GPR176: variants seen among roughly 807,000 people sequenced by gnomAD.
GPR176 encodes G-protein coupled receptor 176.
A neutral mutation model predicts 35.4 loss-of-function variants in GPR176; 26 were observed. The observed-to-expected ratio is 0.74, with a 90% confidence interval of 0.54 to 1.02. The LOEUF is 1.02. GPR176 is among the 50% of genes least tolerant of loss of function. The pLI is 0.00. For missense variants in GPR176, 597 were observed against 665.3 expected (o/e 0.90, Z 1.13); for synonymous variants, 278 against 271.3 (o/e 1.02, Z -0.24).
chr15:39,875,689 C>T (rs924486223), intron 1 of GPR176, among the ~76,000 whole-genome samples: 3 of 152,074 alleles, frequency 2.0e-5, no homozygotes, highest in Non-Finnish European at 2.9e-5. Context: ...GGTTTTAGTG[C>T]CGAGCCTCCT....
At chr15:39,893,107 AATTT>A (rs2032935867) in intron 1 of GPR176, among the ~76,000 whole-genome samples, 3 of 144,236 alleles carry the variant, frequency 2.1e-5, no homozygotes, top group Non-Finnish European at 4.7e-5. Flanking sequence ...TTTTTTTTTA[AATTT>A]ATTTATTTTT....
chr15:39,866,428 T>A (rs1179136842), intron 1 of GPR176, among the ~76,000 whole-genome samples: 2 of 152,094 alleles, frequency 1.3e-5, no homozygotes, highest in Admixed American at 6.5e-5. Flanking sequence ...ATTAGTAACA[T>A]AACTACACAA....
chr15:39,829,207 C>G, intron 1 of GPR176: 1 of 1,518,306 alleles, frequency 6.6e-7, no homozygotes, highest in Non-Finnish European at 8.8e-7. Context: ...CACAACGCAA[C>G]CCCCAACACT....
chr15:39,835,396 A>G (rs1466543703), intron 1 of GPR176, among the ~76,000 whole-genome samples: 1 of 152,156 alleles, frequency 6.6e-6, no homozygotes, highest in Admixed American at 6.5e-5. Context: ...TTATTAAAAA[A>G]CAAAAAGCAA....
Position 39,807,513 on chromosome 15 carries a change from G to A in GPR176, c.173-255C>T. 4 of 1,454,842 alleles carry A rather than the reference G, an allele frequency of 2.7e-6. No homozygotes were observed. In the South Asian group the frequency reaches 4.0e-5, roughly 15 times the overall value. The allele number at this position is 1,454,842 out of a possible 1,614,324, so 90.1% of individuals were successfully genotyped here. ...TCTCTATTTAATTTTGGGCAAAATA[G>A]TATTATAACGATGGCTTAGTCTCAT... On this transcript the variant is annotated intron_variant, in intron 1 of 2. Coordinates refer to ENST00000561100, the MANE Select transcript of GPR176 (RefSeq NM_007223.3).
chr15:39,854,793 T>C (rs950925661), intron 1 of GPR176, among the ~76,000 whole-genome samples: 3 of 152,056 alleles, frequency 2.0e-5, no homozygotes, highest in African/African-American at 2.4e-5. Flanking sequence ...TCCAAACACC[T>C]TGGGAGCCTG....
At chr15:39,807,505 G>T in intron 1 of GPR176, 2 of 1,401,814 alleles carry the variant, frequency 1.4e-6, no homozygotes, top group Non-Finnish European at 1.9e-6. Flanking sequence ...TTAATTTTGG[G>T]CAAAATAGTA....
chr15:39,833,157 T>C (rs1409229114), intron 1 of GPR176, among the ~76,000 whole-genome samples: 1 of 152,036 alleles, frequency 6.6e-6, no homozygotes, highest in Non-Finnish European at 1.5e-5. Flanking sequence ...CAAGTATACA[T>C]ATCCAAGAAA....
chr15:39,818,576 C>A (rs747557606), intron 1 of GPR176, among the ~76,000 whole-genome samples: 6 of 152,158 alleles, frequency 3.9e-5, no homozygotes, highest in Non-Finnish European at 7.3e-5. Context: ...CCTGTGAGGC[C>A]ACACAATGGA....
At chr15:39,879,221 T>C (rs927305238) in intron 1 of GPR176, among the ~76,000 whole-genome samples, 1 of 152,200 alleles carries the variant, frequency 6.6e-6, no homozygotes, top group South Asian at 2.1e-4. Flanking sequence ...TAAAGTAGGT[T>C]AGAGGCAAAG....
chr15:39,916,111 T>A (rs1479808065), intron 1 of GPR176, among the ~76,000 whole-genome samples: 1 of 152,154 alleles, frequency 6.6e-6, no homozygotes, highest in Non-Finnish European at 1.5e-5. Context: ...AGGAGCCCAG[T>A]TCTCTTGGTA....
intron 1 of GPR176, among the ~76,000 whole-genome samples, chr15:39,902,791 G>A (rs1464798410): frequency 6.6e-6 from 1 of 152,176 alleles, no homozygotes; most frequent in Non-Finnish European, 1.5e-5. Context: ...AAAAGTAGTT[G>A]TAATTAAAGG....
At chr15:39,844,133 C>T (rs1403802871) in intron 1 of GPR176, among the ~76,000 whole-genome samples, 1 of 152,096 alleles carries the variant, frequency 6.6e-6, no homozygotes, top group African/African-American at 2.4e-5. Flanking sequence ...TCAACAAAAA[C>T]TAAAATCAGA....
rs1555404765 is a variant in GPR176 at position 39,829,590 on chromosome 15, T to TGTTATAAAACACTTAC, written c.173-22333_173-22332insGTAAGTGTTTTATAAC. On this transcript the variant is annotated intron_variant, in intron 1 of 2. Transcript: ENST00000561100. ...CTAATTTGTTTTTGACTACTTTCTC[T>TGTTATAAAACACTTAC]GTTATAAACACTTATGTTTATTGAT... 8.2e-3 allele frequency among the ~76,000 whole-genome samples: 12 copies of TGTTATAAAACACTTAC among 1,456 alleles called. No homozygotes were observed. The Non-Finnish European group carries it at 0.12, about 15-fold the overall frequency. The allele number at this position is 1,456 out of a possible 152,430, so 1.0% of individuals were successfully genotyped here.
Position 39,801,934 on chromosome 15 carries a change from T to C in GPR176, c.746A>G (p.Gln249Arg). 1 of 1,614,066 alleles carries C rather than the reference T, an allele frequency of 6.2e-7. No individual in the cohort carries two copies. ...KVIIAALRTP[Q>R]NTISIPYASQ... is the part of the protein sequence containing the mutation. ...GGCATAGGGAATAGAGATGGTGTTC[T>C]GTGGGGTCCGGAGCGCTGCTATGAT... The change falls in exon 3 of 3, where the codon CAG becomes CGG. Residue 249 changes from glutamine (Q) to arginine (R), a missense_variant. Around this residue, in one of 3 missense-constraint regions of GPR176, gnomAD observed 220 missense variants for 297.6 expected, o/e 0.74. Coordinates refer to ENST00000561100, the MANE Select transcript of GPR176 (RefSeq NM_007223.3).
At chr15:39,873,369 T>C (rs1282146712) in intron 1 of GPR176, among the ~76,000 whole-genome samples, 2 of 152,074 alleles carry the variant, frequency 1.3e-5, no homozygotes, top group African/African-American at 4.8e-5. Flanking sequence ...CAAGTGATAA[T>C]GGGAAACATT....
intron 1 of GPR176, among the ~76,000 whole-genome samples, chr15:39,884,867 T>C (rs2032613275): frequency 2.6e-5 from 4 of 152,184 alleles, no homozygotes; most frequent in Admixed American, 2.6e-4. Context: ...AAGGTATTTT[T>C]ATCTGGGCAC....
At chr15:39,870,524 A>T (rs2032005904) in intron 1 of GPR176, among the ~76,000 whole-genome samples, 1 of 152,212 alleles carries the variant, frequency 6.6e-6, no homozygotes. Context: ...CTTACAACTT[A>T]TCTTTACTTA....
chr15:39,828,415 GA>G (rs1478805429), intron 1 of GPR176, among the ~76,000 whole-genome samples: 1 of 152,196 alleles, frequency 6.6e-6, no homozygotes. Context: ...CACATACATT[GA>G]CTGCTGCCTG....
Sources: gnomAD v4.1 joint callset for allele counts (sites outside exome capture counted in the v4.1 genomes callset) on GRCh38, gnomAD v4.1.1 for gene constraint, gnomAD v4.1.1 regional missense constraint, MANE v1.5 for transcripts, NCBI Gene and HGNC (gene_info 2026-07-23, HGNC 2026-07-21) for gene names.